The following RBPMS2 variants were observed in gnomAD, a reference collection of about 807,000 sequenced individuals.
RBPMS2 encodes RNA binding protein, mRNA processing factor 2, also known as RNA-binding protein with multiple splicing 2.
RBPMS2 carries 14 observed loss-of-function variants against 25.7 expected under a neutral mutation model. The ratio of observed to expected loss-of-function variants is 0.55; its 90% CI spans 0.36 to 0.85. The LOEUF (loss-of-function observed/expected upper bound fraction) is 0.85, where lower values mean the gene tolerates loss of function less well. Among genes scored for constraint, RBPMS2 ranks in the 40% least tolerant of loss-of-function variants. The pLI is 0.01. For synonymous variants in RBPMS2, 127 were observed against 115.6 expected (o/e 1.10, Z -0.63); for missense variants, 252 against 283.4 (o/e 0.89, Z 0.80).
chr15:64,763,291 G>A (rs1386982591), intron 1 of RBPMS2, among the ~76,000 whole-genome samples: 2 of 152,202 alleles, frequency 1.3e-5, no homozygotes, highest in East Asian at 3.9e-4. Context: ...GACAGTGGAT[G>A]TGAACCTAGA....
chr15:64,770,439 G>A (rs578091976), intron 1 of RBPMS2, among the ~76,000 whole-genome samples: 12 of 152,308 alleles, frequency 7.9e-5, no homozygotes, highest in Non-Finnish European at 7.3e-5. Flanking sequence ...TTAAAATGGT[G>A]CAGAACATAT....
intron 1 of RBPMS2, among the ~76,000 whole-genome samples, chr15:64,768,422 TA>T (rs1243878974): frequency 6.6e-6 from 1 of 151,926 alleles, no homozygotes; most frequent in Non-Finnish European, 1.5e-5. Flanking sequence ...ACGGATCACC[TA>T]AGGTCAGGAG....
At chr15:64,770,345 A>C (rs1441392207) in intron 1 of RBPMS2, among the ~76,000 whole-genome samples, 1 of 152,222 alleles carries the variant, frequency 6.6e-6, no homozygotes, top group Non-Finnish European at 1.5e-5. Context: ...AAAGTTATTT[A>C]ACCTCTCTGT....
chr15:64,743,545 C>G (rs896420277), intron 6 of RBPMS2, among the ~76,000 whole-genome samples: 7 of 152,244 alleles, frequency 4.6e-5, no homozygotes, highest in Admixed American at 6.5e-5. Flanking sequence ...CTTCCTAGAG[C>G]TCTTCTTTCT....
chr15:64,767,480 C>T (rs2083857309), intron 1 of RBPMS2, among the ~76,000 whole-genome samples: 1 of 152,202 alleles, frequency 6.6e-6, no homozygotes, highest in Non-Finnish European at 1.5e-5. Flanking sequence ...GAGCTCAGTA[C>T]TCAGGGCAGG....
At chr15:64,743,652 G>T (rs76688901) in intron 6 of RBPMS2, among the ~76,000 whole-genome samples, 1 of 151,958 alleles carries the variant, frequency 6.6e-6, no homozygotes, top group African/African-American at 2.4e-5. Flanking sequence ...GGGGGGGGGG[G>T]CTCCTGAGAG....
At chr15:64,753,426 G>T (rs185271768) in intron 1 of RBPMS2, among the ~76,000 whole-genome samples, 1 of 152,110 alleles carries the variant, frequency 6.6e-6, no homozygotes, top group Non-Finnish European at 1.5e-5. Context: ...CTTGTCTCAG[G>T]AAGCTGGAGC....
chr15:64,766,586 C>T (rs763490666), intron 1 of RBPMS2, among the ~76,000 whole-genome samples: 8 of 151,362 alleles, frequency 5.3e-5, no homozygotes, highest in African/African-American at 1.2e-4. Context: ...GACTGCATGA[C>T]GCAATCTCAG....
intron 6 of RBPMS2, among the ~76,000 whole-genome samples, chr15:64,742,905 C>A (rs932211255): frequency 6.6e-6 from 1 of 152,206 alleles, no homozygotes; most frequent in African/African-American, 2.4e-5. Flanking sequence ...TTCCTATCCC[C>A]GCCAAATTCT....
intron 1 of RBPMS2, among the ~76,000 whole-genome samples, chr15:64,751,970 CT>C (rs1194781208): frequency 1.1e-3 from 155 of 136,840 alleles, no homozygotes; most frequent in African/African-American, 1.5e-3. Context: ...TTTTTTTTTT[CT>C]TTTTTTTTTT....
intron 1 of RBPMS2, among the ~76,000 whole-genome samples, chr15:64,772,563 G>A (rs967552557): frequency 3.3e-5 from 5 of 152,108 alleles, no homozygotes; most frequent in Non-Finnish European, 7.3e-5. Context: ...GCCTGATATT[G>A]CTGCAATATA....
chr15:64,751,148 C>G (rs1458681139), intron 2 of RBPMS2, among the ~76,000 whole-genome samples: 1 of 151,724 alleles, frequency 6.6e-6, no homozygotes, highest in Non-Finnish European at 1.5e-5. Flanking sequence ...GCCTGACCAA[C>G]ATGGTGAAAC....
intron 1 of RBPMS2, among the ~76,000 whole-genome samples, chr15:64,754,325 A>C: frequency 6.7e-6 from 1 of 149,414 alleles, no homozygotes; most frequent in East Asian, 2.0e-4. Context: ...AAAAAAGAAA[A>C]AAAAGGCTGG....
intron 6 of RBPMS2, among the ~76,000 whole-genome samples, 164 bp from the exon 7 acceptor site, chr15:64,741,406 C>T (rs1174184088): frequency 6.6e-6 from 1 of 152,166 alleles, no homozygotes; most frequent in East Asian, 1.9e-4. Flanking sequence ...TTTCTCTATC[C>T]GGCAAGTGGG....
intron 1 of RBPMS2, among the ~76,000 whole-genome samples, chr15:64,774,732 A>AGCCGGCCGGCCGGCCGGCCT (rs146916271): frequency 6.8e-6 from 1 of 147,068 alleles, no homozygotes; most frequent in East Asian, 2.1e-4. Flanking sequence ...GGAACCGAGG[A>AGCCGGCCGGCCGGCCGGCCT]GCCGGCCGGC....
chr15:64,744,823 T>G lies in RBPMS2; in HGVS notation c.568-3581A>C, dbSNP rs867014988. Among the ~76,000 whole-genome samples the G allele has an allele frequency of 1.7e-3, 208 of 123,104 alleles. 5 individuals carry two copies. The highest frequency in any genetic ancestry group is 6.4e-3 in the African/African-American group (201 of 31,568). The allele number at this position is 123,104 out of a possible 152,430, so 80.8% of individuals were successfully genotyped here. Reference sequence around the variant, plus strand: ...GTTTTTTTTTTTTTTTTTTTTTTTTTTTTTTTTTTGAGACAGAGTCTCGCT... The same window carrying G: ...GTTTTTTTTTTTTTTTTTTTTTTTTGTTTTTTTTTGAGACAGAGTCTCGCT... On this transcript the variant is annotated intron_variant, in intron 6 of 7. Transcript: ENST00000300069.
intron 4 of RBPMS2, 42 bp from the exon 5 acceptor site, chr15:64,749,192 G>C: frequency 6.2e-7 from 1 of 1,604,790 alleles, no homozygotes; most frequent in Non-Finnish European, 8.5e-7. Context: ...TACTCCGGGG[G>C]ACCCAGAGTG....
chr15:64,752,558 G>A (rs774313824), intron 1 of RBPMS2, among the ~76,000 whole-genome samples: 1 of 152,080 alleles, frequency 6.6e-6, no homozygotes, highest in Non-Finnish European at 1.5e-5. Flanking sequence ...CCATTATGCT[G>A]AGTTTTGAAG....
At chr15:64,749,845 A>C (rs2083659139) in intron 3 of RBPMS2, among the ~76,000 whole-genome samples, 1 of 152,204 alleles carries the variant, frequency 6.6e-6, no homozygotes, top group Non-Finnish European at 1.5e-5. Flanking sequence ...CCAGCAAGAA[A>C]GGGGACACCA....
Sources: gnomAD v4.1 joint callset for allele counts (sites outside exome capture counted in the v4.1 genomes callset) on GRCh38, gnomAD v4.1.1 for gene constraint, MANE v1.5 for transcripts, NCBI Gene and HGNC (gene_info 2026-07-23, HGNC 2026-07-21) for gene names.